TATDN2: variants seen among roughly 807,000 people sequenced by gnomAD.
TATDN2 encodes 3'-5' RNA nuclease TATDN2.
In TATDN2, 44 loss-of-function variants were observed where a neutral mutation model predicts 60.3. The observed-to-expected ratio is 0.73, with a 90% confidence interval of 0.57 to 0.94. The LOEUF is 0.94. TATDN2 is among the 40% of genes least tolerant of loss of function. The pLI is 0.00. For synonymous variants in TATDN2, 399 were observed against 355.8 expected (o/e 1.12, Z -1.37); for missense variants, 997 against 948.0 (o/e 1.05, Z -0.68).
At chr3:10,265,681 CAAA>C (rs60093055) in intron 3 of TATDN2, among the ~76,000 whole-genome samples, 182 of 62,676 alleles carry the variant, frequency 2.9e-3, no homozygotes, top group African/African-American at 8.9e-3. Flanking sequence ...GACTCCGTCT[CAAA>C]AAAAAAAAAA....
chr3:10,260,096 C>T, intron 2 of TATDN2, 41 bp from the exon 3 acceptor site: 1 of 1,568,104 alleles, frequency 6.4e-7, no homozygotes, highest in Non-Finnish European at 8.6e-7. Context: ...TACGAAAGTG[C>T]CCTTGGAACA....
Position 10,270,575 on chromosome 3 carries a change from T to C in TATDN2, c.1393T>C (p.Phe465Leu). The C allele has an allele frequency of 2.5e-6, 4 of 1,614,220 alleles. No individual in the cohort carries two copies. The highest frequency in any genetic ancestry group is 3.4e-6 in the Non-Finnish European group (4 of 1,180,046). The change falls in exon 4 of 8, where the codon TTC (phenylalanine) becomes CTC (leucine). Residue 465 changes from phenylalanine (F) to leucine (L), a missense_variant. Physicochemically the swap from Phe to Leu is conservative, Grantham distance 22. Transcript: ENST00000448281. ...EEREVKEKRT[F>L]QEEMPPRPCG... ...AAGAGAGGTGAAGGAGAAAAGAACA[T>C]TCCAAGAGGAGATGCCTCCGCGTCC...
chr3:10,249,773 GCAGT>G (rs1307847601), intron 2 of TATDN2, among the ~76,000 whole-genome samples, 159 bp downstream of exon 2: 6 of 152,216 alleles, frequency 3.9e-5, no homozygotes, highest in Non-Finnish European at 8.8e-5. Context: ...CGAAGACCTA[GCAGT>G]CTTCCAGGCG....
At chr3:10,269,383 G>T (rs1698523853) in intron 3 of TATDN2, among the ~76,000 whole-genome samples, 1 of 152,244 alleles carries the variant, frequency 6.6e-6, no homozygotes, top group South Asian at 2.1e-4. Flanking sequence ...TCAATGGGGA[G>T]AAGGGTTAAA....
chr3:10,264,051 T>C (rs910763820), intron 3 of TATDN2, among the ~76,000 whole-genome samples: 2 of 152,180 alleles, frequency 1.3e-5, no homozygotes, highest in African/African-American at 4.8e-5. Context: ...TTTGGTGCAG[T>C]ACCAGTGCCC....
chr3:10,266,208 T>A, intron 3 of TATDN2, among the ~76,000 whole-genome samples: 1 of 152,198 alleles, frequency 6.6e-6, no homozygotes, highest in East Asian at 1.9e-4. Context: ...AACTATATGC[T>A]ATATATATAA....
chr3:10,278,890 C>T lies in TATDN2; in HGVS notation c.2151C>T (p.Pro717=), dbSNP rs976693784. The change falls in exon 7 of 8, where the codon CCC becomes CCT. Residue 717 remains proline, a synonymous_variant. Coordinates refer to ENST00000448281, the MANE Select transcript of TATDN2 (RefSeq NM_014760.4). The surrounding 1 kb of genome is among the most constrained non-coding windows in gnomAD (Gnocchi z 4.7). The stretch of plus-strand genomic sequence containing the variant: ...GACCACTTGATGTCTTCCAGGTTCC[C>T]AAAAGCCTTTGCCAGTATGCCCACC... The part of the protein sequence containing the change: ...DAPYFLPRQV[P]KSLCQYAHPG... 1 of 1,613,954 alleles carries T rather than the reference C, an allele frequency of 6.2e-7. No individual in the cohort carries two copies.
chr3:10,271,808 C>T (rs757211959), intron 4 of TATDN2, among the ~76,000 whole-genome samples: 29 of 104,740 alleles, frequency 2.8e-4, no homozygotes, highest in Non-Finnish European at 3.9e-4. Context: ...CCTCCGCCTC[C>T]GCCTCCGCCT....
intron 4 of TATDN2, among the ~76,000 whole-genome samples, chr3:10,275,236 C>T (rs1174295286): frequency 1.3e-5 from 2 of 152,152 alleles, no homozygotes; most frequent in Middle Eastern, 6.8e-3. Context: ...GACTTGGCCT[C>T]CCAAAGTGCT....
Position 10,278,376 on chromosome 3 carries a change from G to T in TATDN2, c.2059G>T (p.Ala687Ser). 1.9e-6 allele frequency: 3 copies of T among 1,614,190 alleles called. No individual in the cohort carries two copies. Among genetic ancestry groups the T allele is most frequent in the Non-Finnish European group, 2.5e-6 (3 of 1,180,014 alleles). Residue 687 changes from alanine to serine, a missense_variant, in exon 6 of 8, where the codon GCC becomes TCC. Transcript: ENST00000448281. The surrounding 1 kb of genome is among the most constrained non-coding windows in gnomAD (Gnocchi z 4.7). ...GFTAVLTYSS[A>S]WEAREALRQI... The stretch of plus-strand genomic sequence containing the variant: ...CACGGCAGTGCTGACATACTCCTCT[G>T]CCTGGGAGGCCCGGGAAGCCTTGAG...
intron 2 of TATDN2, among the ~76,000 whole-genome samples, chr3:10,252,329 T>C (rs1698243562): frequency 6.6e-6 from 1 of 151,778 alleles, no homozygotes; most frequent in Non-Finnish European, 1.5e-5. Flanking sequence ...AGAGAATTTA[T>C]ACAGGGCTCT....
chr3:10,249,552 C>A lies in TATDN2; in HGVS notation c.352C>A (p.Arg118Ser), dbSNP rs1399720981. The A allele has an allele frequency of 1.9e-6, 3 of 1,568,840 alleles. No individual in the cohort carries two copies. The highest frequency in any genetic ancestry group is 2.6e-6 in the Non-Finnish European group (3 of 1,158,848). Reference protein sequence around the residue: ...GFLSSGGSPLRPANASLEEMA... With the variant: ...GFLSSGGSPLSPANASLEEMA... ...CCTGTCTTCAGGGGGATCCCCTCTG[C>A]GTCCTGCCAACGCCTCTTTGGAAGA... Residue 118 changes from arginine to serine, a missense_variant, in exon 2 of 8, where the codon CGT (arginine) becomes AGT (serine). Coordinates refer to ENST00000448281, the MANE Select transcript of TATDN2 (RefSeq NM_014760.4).
At chr3:10,263,282 C>T (rs939626346) in intron 3 of TATDN2, among the ~76,000 whole-genome samples, 6 of 151,234 alleles carry the variant, frequency 4.0e-5, no homozygotes, top group African/African-American at 1.2e-4. Flanking sequence ...GTGGTGGTGT[C>T]TACTTTGCTT....
At chr3:10,258,302 G>A (rs1022826490) in intron 2 of TATDN2, among the ~76,000 whole-genome samples, 1 of 151,796 alleles carries the variant, frequency 6.6e-6, no homozygotes, top group Non-Finnish European at 1.5e-5. Flanking sequence ...GTTTGAGACA[G>A]AGTCTCATTC....
intron 3 of TATDN2, among the ~76,000 whole-genome samples, chr3:10,262,579 A>C (rs1240241926): frequency 2.6e-5 from 3 of 115,544 alleles, no homozygotes; most frequent in African/African-American, 1.0e-4. Context: ...TGTCTTGCCC[A>C]GGCTGGAGTG....
chr3:10,268,214 A>G (rs575694320), intron 3 of TATDN2, among the ~76,000 whole-genome samples: 1 of 152,238 alleles, frequency 6.6e-6, no homozygotes, highest in Non-Finnish European at 1.5e-5. Context: ...TAGCTGTGAG[A>G]AGTCTAAGGC....
chr3:10,260,293 A>C lies in TATDN2; in HGVS notation c.571A>C (p.Ile191Leu), dbSNP rs1270131707. ...QGSTMIYLKA[I>L]QGILGKSMPK... is the part of the protein sequence containing the mutation. ...CTCCACAATGATCTACCTGAAGGCT[A>C]TCCAGGGCATCCTGGGGAAATCGAT... Residue 191 changes from isoleucine (I) to leucine (L), a missense_variant, in exon 3 of 8, where the codon ATC (isoleucine) becomes CTC (leucine). Coordinates refer to ENST00000448281, the MANE Select transcript of TATDN2 (RefSeq NM_014760.4). 2 of 1,614,106 alleles carry C rather than the reference A, an allele frequency of 1.2e-6. No homozygotes were observed. The highest frequency in any genetic ancestry group is 8.5e-7 in the Non-Finnish European group (1 of 1,180,048).
intron 3 of TATDN2, among the ~76,000 whole-genome samples, chr3:10,260,934 C>G (rs974083309): frequency 2.0e-5 from 3 of 151,034 alleles, no homozygotes; most frequent in Non-Finnish European, 4.4e-5. Context: ...AGGCCAAAAT[C>G]ACAGTGGCTT....
At chr3:10,269,187 G>T (rs1698521131) in intron 3 of TATDN2, among the ~76,000 whole-genome samples, 1 of 152,236 alleles carries the variant, frequency 6.6e-6, no homozygotes, top group African/African-American at 2.4e-5. Flanking sequence ...CATTTGGGTT[G>T]CCGGACTTCT....
Sources: gnomAD v4.1 joint callset for allele counts (sites outside exome capture counted in the v4.1 genomes callset) on GRCh38, gnomAD v4.1.1 for gene constraint, Gnocchi (gnomAD v3.1) non-coding constraint, MANE v1.5 for transcripts, NCBI Gene and HGNC (gene_info 2026-07-23, HGNC 2026-07-21) for gene names.